The following SCN7A variants were observed in gnomAD, a reference collection of about 807,000 sequenced individuals.
The protein encoded by SCN7A is sodium voltage-gated channel alpha subunit 7, also known as sodium channel protein type 7 subunit alpha.
SCN7A carries 138 observed loss-of-function variants against 155.2 expected under a neutral mutation model. That is an observed-to-expected ratio of 0.89 (90% confidence interval 0.77 to 1.02). The LOEUF (loss-of-function observed/expected upper bound fraction) is 1.02. SCN7A is among the 50% of genes least tolerant of loss of function. The pLI is 0.00. For missense variants in SCN7A, 2,058 were observed against 1,986.6 expected, an observed-to-expected ratio of 1.04 and a Z score of -0.68; for synonymous variants, 693 against 649.0, an observed-to-expected ratio of 1.07 and a Z score of -1.03.
Position 166,410,186 on chromosome 2 carries a change from A to G in SCN7A, c.3711+34T>C, listed in dbSNP as rs751565126. Reference sequence around the variant, plus strand: ...AAGAGAATATATAAAGAACACCTCCATTGAAGTTTCAAAAAATCTAGACAT... The same window carrying G: ...AAGAGAATATATAAAGAACACCTCCGTTGAAGTTTCAAAAAATCTAGACAT... On this transcript the variant is annotated intron_variant, in intron 24 of 25. Coordinates refer to ENST00000643258, the MANE Select transcript of SCN7A (RefSeq NM_002976.4). 2.1e-6 allele frequency: 3 copies of G among 1,434,754 alleles called. No homozygotes were observed. In the South Asian group the frequency reaches 3.9e-5, roughly 19 times the overall value. The allele number at this position is 1,434,754 out of a possible 1,614,324, so 88.9% of individuals were successfully genotyped here.
chr2:166,445,185 G>A (rs1487537113), intron 12 of SCN7A, among the ~76,000 whole-genome samples, 185 bp from the exon 13 acceptor site: 2 of 151,966 alleles, frequency 1.3e-5, no homozygotes, highest in Non-Finnish European at 2.9e-5. Flanking sequence ...GTGTGGTGGT[G>A]GATGCCTGTA....
rs1354321289 is a variant in SCN7A at position 166,407,578 on chromosome 2, G to C, written c.3983-932C>G. ...AATACCCTATCTCTATAGTGCTTTAGTGAATCTTCTACTCTGACCCAAATT... is the reference window on the plus strand; with the variant it reads ...AATACCCTATCTCTATAGTGCTTTACTGAATCTTCTACTCTGACCCAAATT... On this transcript the variant is annotated intron_variant, in intron 25 of 25. Coordinates refer to ENST00000643258, the MANE Select transcript of SCN7A (RefSeq NM_002976.4). Among the ~76,000 whole-genome samples the C allele has an allele frequency of 2.0e-5, 3 of 151,826 alleles. No individual in the cohort carries two copies. In the East Asian group the frequency reaches 5.8e-4, roughly 29 times the overall value.
rs916533934 is a variant in SCN7A, at chr2:166,412,404, T to C, written c.3606+126A>G. ...GAACATTAATCATGATTTTTTAAGATACATGTCAAATAAAAATGACATTAA... is the reference window on the plus strand; with the variant it reads ...GAACATTAATCATGATTTTTTAAGACACATGTCAAATAAAAATGACATTAA... On this transcript the variant is annotated intron_variant, in intron 23 of 25. Coordinates refer to ENST00000643258, the MANE Select transcript of SCN7A (RefSeq NM_002976.4). 4 of 1,091,870 alleles carry C rather than the reference T, an allele frequency of 3.7e-6. No homozygotes were observed. In the South Asian group the frequency reaches 1.2e-4, roughly 33 times the overall value. 67.6% of individuals were successfully genotyped at this position (1,091,870 alleles called of 1,614,324 possible). A position where few individuals can be genotyped will look rare whatever the true frequency, so the allele number is the denominator to read the frequency against.
At chr2:166,483,223 A>G (rs1363770511) in intron 2 of SCN7A, among the ~76,000 whole-genome samples, 1 of 152,022 alleles carries the variant, frequency 6.6e-6, no homozygotes, top group Non-Finnish European at 1.5e-5. Context: ...TCTCCTTGAA[A>G]CGAATTTCAA....
At chr2:166,446,166 T>C (rs918832019) in intron 12 of SCN7A, among the ~76,000 whole-genome samples, 4 of 150,778 alleles carry the variant, frequency 2.7e-5, no homozygotes, top group Non-Finnish European at 5.9e-5. Context: ...TCAAGGAACT[T>C]AAATAAATTT....
At chr2:166,493,287 C>A (rs1371011421) in intron 1 of SCN7A, among the ~76,000 whole-genome samples, 1 of 152,196 alleles carries the variant, frequency 6.6e-6, no homozygotes, top group Non-Finnish European at 1.5e-5. Flanking sequence ...ATCGGTGTGT[C>A]ATTCCACATG....
At chr2:166,477,175 A>T (rs1702817401) in intron 3 of SCN7A, among the ~76,000 whole-genome samples, 1 of 151,992 alleles carries the variant, frequency 6.6e-6, no homozygotes, top group South Asian at 2.1e-4. Flanking sequence ...ATGGACAATC[A>T]TCATGTTCCC....
Position 166,477,706 on chromosome 2 carries a change from T to A in SCN7A, c.-10A>T. The A allele has an allele frequency of 6.5e-7, 1 of 1,531,114 alleles. No individual in the cohort carries two copies. The highest frequency in any genetic ancestry group is 2.4e-5 in the Admixed American group (1 of 42,204). 94.8% of individuals were successfully genotyped at this position (1,531,114 alleles called of 1,614,324 possible). ...CTGGTGAAGCCAACATTTCCAATTT[T>A]GTACCTGCAAAAAATTCTGTATTAA... On this transcript the variant is annotated 5_prime_UTR_variant, in exon 3 of 26. Coordinates refer to ENST00000643258, the MANE Select transcript of SCN7A (RefSeq NM_002976.4).
At chr2:166,454,989 C>T (rs1702244874) in intron 11 of SCN7A, among the ~76,000 whole-genome samples, 1 of 152,008 alleles carries the variant, frequency 6.6e-6, no homozygotes, top group Admixed American at 6.6e-5. Context: ...TACAGTAAAA[C>T]ATTGTTAGGC....
chr2:166,447,799 T>G (rs1702096857), intron 11 of SCN7A, 91 bp from the exon 12 acceptor site: 1 of 811,516 alleles, frequency 1.2e-6, no homozygotes, highest in African/African-American at 1.7e-5. Context: ...AAAATGCCAC[T>G]TATTCTCCCG....
Position 166,416,782 on chromosome 2 carries a change from G to T in SCN7A, c.3339C>A (p.Asn1113Lys), listed in dbSNP as rs144458511. The change falls in exon 21 of 26, where the codon AAC (asparagine) becomes AAA (lysine). Residue 1113 changes from asparagine to lysine, a missense_variant. Transcript: ENST00000643258. Reference protein sequence around the residue: ...NKSRCESLLFNESMLWENAKM... With the variant: ...NKSRCESLLFKESMLWENAKM... ...TTGCATTTTCCCATAGCATGGATTC[G>T]TTAAACAGAAGGCTTTCACACCGAC... 1 of 1,613,212 alleles carries T rather than the reference G, an allele frequency of 6.2e-7. No individual in the cohort carries two copies. The highest frequency in any genetic ancestry group is 8.5e-7 in the Non-Finnish European group (1 of 1,179,570).
rs1217931251 is a variant in SCN7A at position 166,404,389 on chromosome 2, T to C, written c.*1191A>G. 1 of 151,940 alleles carries C rather than the reference T, an allele frequency of 6.6e-6. No individual in the cohort carries two copies. Among genetic ancestry groups the C allele is most frequent in the East Asian group, 1.9e-4 (1 of 5,178 alleles). 9.4% of individuals were successfully genotyped at this position (151,940 alleles called of 1,614,324 possible). ...AAACATTTTATAGAGTATGGATGTA[T>C]ATGATGAGATTAAAAAACTTGAAAA... On this transcript the variant is annotated 3_prime_UTR_variant, in exon 26 of 26. Coordinates refer to ENST00000643258, the MANE Select transcript of SCN7A (RefSeq NM_002976.4).
intron 15 of SCN7A, among the ~76,000 whole-genome samples, chr2:166,438,546 T>C (rs1021341864): frequency 1.3e-5 from 2 of 152,172 alleles, no homozygotes; most frequent in African/African-American, 4.8e-5. Context: ...TCCTTTGACA[T>C]ATAATAATTT....
chr2:166,451,550 C>T (rs184016446), intron 11 of SCN7A, among the ~76,000 whole-genome samples: 36 of 152,286 alleles, frequency 2.4e-4, no homozygotes, highest in African/African-American at 8.4e-4. Context: ...TAAGGAAGAA[C>T]TTAGTCACAT....
At chr2:166,456,442 A>T (rs966082688) in intron 11 of SCN7A, among the ~76,000 whole-genome samples, 20 of 152,198 alleles carry the variant, frequency 1.3e-4, no homozygotes, top group Admixed American at 5.2e-4. Context: ...TAAAAATTTA[A>T]AACTGCATAG....
intron 14 of SCN7A, 32 bp downstream of exon 14, chr2:166,443,471 C>T: frequency 6.5e-7 from 1 of 1,539,190 alleles, no homozygotes; most frequent in Non-Finnish European, 8.8e-7. Context: ...AAACTTTGAT[C>T]AAATAAAAGT....
chr2:166,441,126 T>TA (rs900327026), intron 15 of SCN7A: 1 of 436,012 alleles, frequency 2.3e-6, no homozygotes, highest in South Asian at 8.1e-5. Flanking sequence ...ATATTATCAT[T>TA]AAAAAATGCA....
intron 1 of SCN7A, among the ~76,000 whole-genome samples, chr2:166,492,189 T>C (rs1408107577): frequency 3.3e-5 from 5 of 152,088 alleles, no homozygotes; most frequent in African/African-American, 4.8e-5. Context: ...GAGACTGATA[T>C]GCAGCAGCAG....
chr2:166,468,169 A>T (rs534425954), intron 7 of SCN7A, among the ~76,000 whole-genome samples: 2 of 152,064 alleles, frequency 1.3e-5, no homozygotes, highest in Non-Finnish European at 2.9e-5. Flanking sequence ...AATATAAGTA[A>T]TGACCTTTGA....
Sources: allele counts gnomAD v4.1 joint callset (sites outside exome capture counted in the v4.1 genomes callset), GRCh38; gene constraint gnomAD v4.1.1; transcripts MANE v1.5; gene names NCBI Gene and HGNC (gene_info 2026-07-23, HGNC 2026-07-21).